Variants in CDH20 observed in about 807,000 individuals in gnomAD.
CDH20 encodes cadherin 20, also known as cadherin-20.
CDH20 carries 29 observed loss-of-function variants against 74.2 expected under a neutral mutation model. The ratio of observed to expected loss-of-function variants is 0.39; its 90% confidence interval spans 0.29 to 0.53. The LOEUF is 0.53. Ranked by LOEUF, CDH20 falls within the 20% of genes least tolerant of loss-of-function variation. The pLI is 0.69. For synonymous variants in CDH20, 469 were observed against 405.4 expected, an observed-to-expected ratio of 1.16 and a Z score of -1.88; for missense variants, 988 against 1,048.3, an observed-to-expected ratio of 0.94 and a Z score of 0.79.
chr18:61,539,569 G>A (rs896859258), intron 9 of CDH20, among the ~76,000 whole-genome samples: 5 of 152,228 alleles, frequency 3.3e-5, no homozygotes, highest in African/African-American at 9.6e-5. Flanking sequence ...ACTGAATTGT[G>A]TAGCACCCAT....
chr18:61,394,638 G>A (rs959096439), intron 1 of CDH20, among the ~76,000 whole-genome samples: 20 of 152,156 alleles, frequency 1.3e-4, no homozygotes, highest in Non-Finnish European at 2.8e-4. Context: ...GATTACTGTT[G>A]TTTAAGCCAC....
chr18:61,532,881 G>A (rs1230780947), intron 7 of CDH20, among the ~76,000 whole-genome samples: 1 of 152,120 alleles, frequency 6.6e-6, no homozygotes, highest in African/African-American at 2.4e-5. Context: ...TAAGAACATA[G>A]TAGTTATAAT....
intron 2 of CDH20, among the ~76,000 whole-genome samples, chr18:61,492,153 G>GT (rs1395038095): frequency 1.3e-5 from 2 of 151,762 alleles, no homozygotes; most frequent in Non-Finnish European, 2.9e-5. Flanking sequence ...AGAAACTCTT[G>GT]TTTTTTTTCT....
intron 4 of CDH20, among the ~76,000 whole-genome samples, chr18:61,502,717 C>T (rs1911427665): frequency 6.6e-6 from 1 of 152,124 alleles, no homozygotes; most frequent in African/African-American, 2.4e-5. Flanking sequence ...GTAATGTTGC[C>T]AGAAGAAACC....
chr18:61,464,687 T>G (rs550835113), intron 1 of CDH20, among the ~76,000 whole-genome samples: 1 of 152,182 alleles, frequency 6.6e-6, no homozygotes, highest in East Asian at 1.9e-4. Flanking sequence ...TAGAAGTGAA[T>G]GTGGGCTGTG....
At chr18:61,436,074 A>C (rs1481695094) in intron 1 of CDH20, among the ~76,000 whole-genome samples, 1 of 152,148 alleles carries the variant, frequency 6.6e-6, no homozygotes, top group African/African-American at 2.4e-5. Flanking sequence ...TTCAAGGTTC[A>C]TCTGTGTCGT....
At chr18:61,515,872 T>A (rs974824637) in intron 6 of CDH20, among the ~76,000 whole-genome samples, 4 of 151,598 alleles carry the variant, frequency 2.6e-5, no homozygotes, top group Non-Finnish European at 5.9e-5. Context: ...GGCACATGTA[T>A]ACATATGTAA....
chr18:61,496,425 T>C (rs1429040067), intron 2 of CDH20, among the ~76,000 whole-genome samples: 1 of 150,914 alleles, frequency 6.6e-6, no homozygotes, highest in Non-Finnish European at 1.5e-5. Flanking sequence ...ATACGGAACT[T>C]TCGCCCTCCC....
rs760083361 is a variant in CDH20 at position 61,549,990 on chromosome 18, G to A, written c.1661G>A (p.Arg554Gln). Residue 554 changes from arginine to glutamine, a missense_variant, in exon 11 of 12, where the codon CGG becomes CAG. Physicochemically the swap from Arg to Gln is conservative, Grantham distance 43 (BLOSUM62 1). Transcript: ENST00000262717. Reference protein sequence around the residue: ...TIRDNQDNTARILTRRSGFRQ... With the variant: ...TIRDNQDNTAQILTRRSGFRQ... ...CTCCTTCTTTCAGATAACACAGCAC[G>A]GATTCTAACCAGGAGGTCTGGTTTC... 5.6e-6 allele frequency: 9 copies of A among 1,613,846 alleles called. No homozygotes were observed. The highest frequency in any genetic ancestry group is 3.3e-4 in the Middle Eastern group (2 of 6,082).
intron 1 of CDH20, among the ~76,000 whole-genome samples, chr18:61,338,868 T>C (rs1014160433): frequency 5.9e-5 from 9 of 152,208 alleles, no homozygotes; most frequent in Non-Finnish European, 1.0e-4. Flanking sequence ...CCTTTCTTCT[T>C]CTTTATAGTT....
At chr18:61,435,392 T>G (rs920172556) in intron 1 of CDH20, among the ~76,000 whole-genome samples, 1 of 152,060 alleles carries the variant, frequency 6.6e-6, no homozygotes, top group African/African-American at 2.4e-5. Flanking sequence ...TGCCCTCCTC[T>G]CCTAGGTTCT....
intron 6 of CDH20, among the ~76,000 whole-genome samples, chr18:61,517,804 G>A (rs1045139632): frequency 2.6e-5 from 4 of 152,098 alleles, no homozygotes; most frequent in African/African-American, 9.7e-5. Flanking sequence ...GCTGAATCCA[G>A]GGAGCCAAGT....
At chr18:61,515,068 C>G (rs1232843384) in intron 6 of CDH20, among the ~76,000 whole-genome samples, 1 of 152,138 alleles carries the variant, frequency 6.6e-6, no homozygotes, top group Non-Finnish European at 1.5e-5. Flanking sequence ...CCTAATCAAG[C>G]CTGGGCAATG....
intron 1 of CDH20, among the ~76,000 whole-genome samples, chr18:61,426,758 G>A (rs984749943): frequency 5.9e-5 from 9 of 152,186 alleles, no homozygotes; most frequent in African/African-American, 2.2e-4. Context: ...ATAAACATTT[G>A]CAGTCACTGC....
intron 1 of CDH20, among the ~76,000 whole-genome samples, chr18:61,356,753 C>CA (rs1392108565): frequency 6.6e-6 from 1 of 151,548 alleles, no homozygotes; most frequent in Non-Finnish European, 1.5e-5. Context: ...GCAAAGGAAA[C>CA]AAAAAAGAGG....
rs201613850 is a variant in CDH20, at chr18:61,442,384, A to AAC, written c.-152-48018_-152-48017insAC. Reference sequence around the variant, plus strand: ...GAAAAAGAAAAGAAAAAAAAAAAAAACAGAAGCAAATGCTGGTCATGAGGA... The same window carrying AAC: ...GAAAAAGAAAAGAAAAAAAAAAAAAAACCAGAAGCAAATGCTGGTCATGAGGA... On this transcript the variant is annotated intron_variant, in intron 1 of 11. Transcript: ENST00000262717. Among the ~76,000 whole-genome samples the AAC allele has an allele frequency of 6.5e-3, 985 of 150,412 alleles. 9 individuals are homozygous for AAC. The highest frequency in any genetic ancestry group is 0.022 in the African/African-American group (881 of 40,882).
At chr18:61,334,064 T>C (rs988323199) in intron 1 of CDH20, among the ~76,000 whole-genome samples, 128 of 152,122 alleles carry the variant, frequency 8.4e-4, no homozygotes, top group Non-Finnish European at 4.4e-4. Context: ...AGCTGCTCTC[T>C]GGAAGCAGGG....
intron 2 of CDH20, among the ~76,000 whole-genome samples, chr18:61,493,706 A>G (rs1452399972): frequency 6.6e-6 from 1 of 152,238 alleles, no homozygotes; most frequent in East Asian, 1.9e-4. Context: ...TATCATGAAC[A>G]TATCTTGTAT....
At chr18:61,350,154 A>G (rs1910257413) in intron 1 of CDH20, among the ~76,000 whole-genome samples, 1 of 152,118 alleles carries the variant, frequency 6.6e-6, no homozygotes, top group African/African-American at 2.4e-5. Context: ...CTGCCTGTAT[A>G]CTACTTTGGT....
Sources: allele counts gnomAD v4.1 joint callset (sites outside exome capture counted in the v4.1 genomes callset), GRCh38; gene constraint gnomAD v4.1.1; transcripts MANE v1.5; gene names NCBI Gene and HGNC (gene_info 2026-07-23, HGNC 2026-07-21).